C12orf76: variants seen among roughly 807,000 people sequenced by gnomAD.
C12orf76 encodes uncharacterized protein C12orf76.
Under a neutral mutation model 6.8 loss-of-function variants are expected in C12orf76, and 6 were observed. That is an observed-to-expected ratio of 0.88 (90% CI 0.48 to 1.73). C12orf76 has a LOEUF of 1.73. Ranked by LOEUF, C12orf76 falls within the 40% of genes most tolerant of loss-of-function variation. The probability of loss-of-function intolerance (pLI) is 0.01; values close to 1 mark genes in which losing one functional copy is unlikely to be tolerated. For synonymous variants in C12orf76, 56 were observed against 43.7 expected, an observed-to-expected ratio of 1.28 and a Z score of -1.11; for missense variants, 99 against 98.2, an observed-to-expected ratio of 1.01 and a Z score of -0.03.
At chr12:110,059,593 G>T (rs765882805) in intron 2 of C12orf76, among the ~76,000 whole-genome samples, 2 of 152,200 alleles carry the variant, frequency 1.3e-5, no homozygotes, top group Non-Finnish European at 2.9e-5. Flanking sequence ...GGGTCAAAGG[G>T]TGTGCACATT....
At chr12:110,070,187 A>G (rs142799014), upstream of C12orf76, among the ~76,000 whole-genome samples, 12,211 of 151,686 alleles carry the variant, frequency 0.081, 506 homozygotes, top group African/African-American at 0.095. Flanking sequence ...GCAGTGAGCC[A>G]AGATCATGCC....
chr12:110,061,044 GC>G (rs1484675634), intron 2 of C12orf76, among the ~76,000 whole-genome samples: 3 of 145,986 alleles, frequency 2.1e-5, no homozygotes, highest in Admixed American at 7.0e-5. Flanking sequence ...AGTAATTCAT[GC>G]AGAGCCAGCT....
rs189566493 is a variant in C12orf76, at chr12:110,046,396, A to T, written c.133+1967T>A. On this transcript the variant is annotated intron_variant, in intron 1 of 1. Coordinates refer to ENST00000615315, the MANE Select transcript of C12orf76 (RefSeq NM_001389625.1). ...AGCTGAGACCGCACCACTGCACTCCAGCCTTGGCAACAAGAGCAAAACTCC... is the reference window on the plus strand; with the variant it reads ...AGCTGAGACCGCACCACTGCACTCCTGCCTTGGCAACAAGAGCAAAACTCC... Among the ~76,000 whole-genome samples the T allele has an allele frequency of 2.5e-3, 375 of 152,384 alleles. 1 individual carries two copies. The highest frequency in any genetic ancestry group is 8.6e-3 in the African/African-American group (359 of 41,596).
chr12:110,065,060 GGTA>G lies in C12orf76; in HGVS notation n.380+797_380+799del, dbSNP rs1309911379. On this transcript the variant is annotated intron_variant and non_coding_transcript_variant, in intron 2 of 4. Coordinates refer to the C12orf76 transcript ENST00000309050. ...CATGAACAAAGGGATGAAGATAGATGGTAGTAGGCGGTGTTTAATTGCTTGCCT... is the reference window on the plus strand; with the variant it reads ...CATGAACAAAGGGATGAAGATAGATGGTAGGCGGTGTTTAATTGCTTGCCT... Among the ~76,000 whole-genome samples the G allele has an allele frequency of 4.6e-5, 7 of 152,014 alleles. No individual in the cohort carries two copies. The South Asian group carries it at 8.3e-4, about 18-fold the overall frequency.
At chr12:110,073,301 A>G (rs1892983092) in intron 1 of C12orf76, 1 of 446,070 alleles carries the variant, frequency 2.2e-6, no homozygotes, top group Non-Finnish European at 4.6e-6. Flanking sequence ...GTTTGCTGTG[A>G]AAGCACGTCC....
intron 1 of C12orf76, among the ~76,000 whole-genome samples, chr12:110,067,108 T>G (rs569760575): frequency 2.8e-4 from 43 of 152,366 alleles, no homozygotes; most frequent in African/African-American, 9.4e-4. Flanking sequence ...CCCAAGAGAA[T>G]GCAACCATCT....
At chr12:110,067,489 CCCT>C (rs1892886272) in exon 1 of C12orf76, 1 of 985,350 alleles carries the variant, frequency 1.0e-6, no homozygotes, top group South Asian at 4.7e-5. Flanking sequence ...TGTCTGCCTA[CCCT>C]CCTCACTTCC....
chr12:110,048,385 C>G lies in C12orf76; in HGVS notation c.111G>C (p.Ala37=). Residue 37 remains alanine (A), a synonymous_variant, in exon 1 of 2, where the codon GCG becomes GCC. Coordinates refer to ENST00000615315, the MANE Select transcript of C12orf76 (RefSeq NM_001389625.1). ...VDPLERSRPY[A]VLRGQNLVLM... The stretch of plus-strand genomic sequence containing the variant: ...CACCCAGGTTCTGCCCTCGCAGCAC[C>G]GCGTACGGCCGGCTCCGCTCCAGCG... 1.3e-6 allele frequency: 2 copies of G among 1,515,220 alleles called. No homozygotes were observed. The highest frequency in any genetic ancestry group is 1.8e-6 in the Non-Finnish European group (2 of 1,136,996). 93.9% of individuals were successfully genotyped at this position (1,515,220 alleles called of 1,614,324 possible).
chr12:110,068,320 AAGAAGAAGAAGG>A (rs1158241645), upstream of C12orf76, among the ~76,000 whole-genome samples: 20 of 138,774 alleles, frequency 1.4e-4, no homozygotes, highest in Middle Eastern at 3.8e-3. Context: ...GAAGAAGAAG[AAGAAGAAGAAGG>A]CGGCCAAATA....
chr12:110,056,947 G>T, intron 4 of C12orf76: 1 of 484,490 alleles, frequency 2.1e-6, no homozygotes, highest in South Asian at 2.9e-5. Context: ...TCTCGAATAT[G>T]TCTTTATTAG....
upstream of C12orf76, among the ~76,000 whole-genome samples, chr12:110,068,363 G>A (rs1161691040): frequency 1.3e-5 from 2 of 151,986 alleles, no homozygotes; most frequent in South Asian, 2.1e-4. Flanking sequence ...GAACCAAGAC[G>A]TAGGGAGAGA....
chr12:110,057,345 G>T, intron 3 of C12orf76: 1 of 1,248,702 alleles, frequency 8.0e-7, no homozygotes. Flanking sequence ...CCTCCAAAGT[G>T]AACTGCCCTC....
chr12:110,070,013 C>T (rs1892942628), upstream of C12orf76, among the ~76,000 whole-genome samples: 1 of 151,922 alleles, frequency 6.6e-6, no homozygotes, highest in Admixed American at 6.6e-5. Context: ...CTTTGGGAGG[C>T]CAAGATGGAT....
At chr12:110,052,614 C>T (rs1285150205), upstream of C12orf76, among the ~76,000 whole-genome samples, 6 of 152,190 alleles carry the variant, frequency 3.9e-5, no homozygotes, top group Non-Finnish European at 1.5e-5. Context: ...CATGTGCCAT[C>T]GCGTCCAGCC....
At chr12:110,062,908 G>C (rs1269639503) in intron 2 of C12orf76, among the ~76,000 whole-genome samples, 1 of 148,706 alleles carries the variant, frequency 6.7e-6, no homozygotes, top group African/African-American at 2.5e-5. Context: ...CTCCCAAAGT[G>C]CTGGGATTAT....
intron 2 of C12orf76, among the ~76,000 whole-genome samples, chr12:110,063,908 AAACAAACAAACAAACG>A (rs1228431723): frequency 7.2e-5 from 11 of 152,060 alleles, no homozygotes; most frequent in African/African-American, 2.7e-4. Flanking sequence ...CTCTGTCTCA[AAACAAACAAACAAACG>A]AACAAACAAA....
chr12:110,068,268 G>GA (rs1313581287), upstream of C12orf76, among the ~76,000 whole-genome samples: 2 of 122,440 alleles, frequency 1.6e-5, no homozygotes, highest in Admixed American at 1.7e-4. Context: ...AGAAGAAGAA[G>GA]AAGAAGAAGA....
Position 110,042,172 on chromosome 12 carries a change from CAG to C in C12orf76, c.*200_*201del, listed in dbSNP as rs982704842. ...AGTCAGAAACACTGAGAAGCGGACT[CAG>C]GGGCCAATTATTTGCGCTACAGTGT... On this transcript the variant is annotated 3_prime_UTR_variant, in exon 2 of 2. Transcript: ENST00000615315. 3.4e-5 allele frequency: 20 copies of C among 583,586 alleles called. No homozygotes were observed. The Middle Eastern group carries it at 2.3e-3, about 66-fold the overall frequency. 36.2% of individuals were successfully genotyped at this position (583,586 alleles called of 1,614,324 possible). A position where few individuals can be genotyped will look rare whatever the true frequency, so the allele number is the denominator to read the frequency against.
intron 1 of C12orf76, among the ~76,000 whole-genome samples, chr12:110,044,852 AATC>A (rs1482217690): frequency 6.6e-6 from 1 of 152,072 alleles, no homozygotes; most frequent in African/African-American, 2.4e-5. Flanking sequence ...GCATGCCTGT[AATC>A]CCAGCTACTT....
Sources: gnomAD v4.1 joint callset for allele counts (sites outside exome capture counted in the v4.1 genomes callset) on GRCh38, gnomAD v4.1.1 for gene constraint, MANE v1.5 for transcripts, NCBI Gene and HGNC (gene_info 2026-07-23, HGNC 2026-07-21) for gene names.